The following MIX23 variants were observed in gnomAD, a reference collection of about 807,000 sequenced individuals.
MIX23 encodes the protein mitochondrial matrix import factor 23, also known as protein MIX23.
Under a neutral mutation model 21.6 loss-of-function variants are expected in MIX23, and 13 were observed. The ratio of observed to expected loss-of-function variants is 0.60; its 90% CI spans 0.39 to 0.96. MIX23 has a LOEUF of 0.96. MIX23 is among the 40% of genes least tolerant of loss of function. The probability of loss-of-function intolerance (pLI) is 0.00; values close to 1 mark genes in which losing one functional copy is unlikely to be tolerated. For synonymous variants in MIX23, 59 were observed against 58.0 expected, an observed-to-expected ratio of 1.02 and a Z score of -0.08; for missense variants, 144 against 171.2, an observed-to-expected ratio of 0.84 and a Z score of 0.89.
chr3:122,377,449 G>A (rs899440160), intron 1 of MIX23, among the ~76,000 whole-genome samples: 2 of 152,120 alleles, frequency 1.3e-5, no homozygotes, highest in Non-Finnish European at 2.9e-5. Flanking sequence ...CAATGATTAA[G>A]GAATTCTTAC....
At position 122,359,784 on chromosome 3, in the gene MIX23, C is replaced by CTGT; in HGVS notation, c.*82_*84dup. ...CAGAAATCATCCTAGAAAGCCCGCCCTGTTGATATCTGTCATGCTTAGCTC... is the reference window on the plus strand; with the variant it reads ...CAGAAATCATCCTAGAAAGCCCGCCCTGTTGTTGATATCTGTCATGCTTAGCTC... On this transcript the variant is annotated 3_prime_UTR_variant, in exon 5 of 5. Coordinates refer to ENST00000291458, the MANE Select transcript of MIX23 (RefSeq NM_001017928.4). 1 of 1,311,620 alleles carries CTGT rather than the reference C, an allele frequency of 7.6e-7. No homozygotes were observed. The highest frequency in any genetic ancestry group is 3.0e-5 in the East Asian group (1 of 33,320). The allele number at this position is 1,311,620 out of a possible 1,614,324, so 81.2% of individuals were successfully genotyped here. A position where few individuals can be genotyped will look rare whatever the true frequency, so the allele number is the denominator to read the frequency against.
intron 4 of MIX23, among the ~76,000 whole-genome samples, chr3:122,362,612 G>T (rs1052137063): frequency 6.6e-6 from 1 of 151,874 alleles, no homozygotes; most frequent in African/African-American, 2.4e-5. Context: ...CTCCCGAGTA[G>T]CTGGGATTAC....
At chr3:122,368,105 T>A in intron 3 of MIX23, 71 bp downstream of exon 3, 1 of 1,461,016 alleles carries the variant, frequency 6.8e-7, no homozygotes, top group Non-Finnish European at 9.5e-7. Context: ...AATTTTCATA[T>A]TAAAAATCTT....
At chr3:122,379,893 T>C (rs972449038) in intron 1 of MIX23, among the ~76,000 whole-genome samples, 2 of 152,222 alleles carry the variant, frequency 1.3e-5, no homozygotes, top group Non-Finnish European at 2.9e-5. Flanking sequence ...AGGCTGACTC[T>C]GAAATTATGC....
At chr3:122,382,292 C>T (rs1311439607) in intron 1 of MIX23, among the ~76,000 whole-genome samples, 1 of 151,996 alleles carries the variant, frequency 6.6e-6, no homozygotes. Context: ...GAGACACTCT[C>T]GCTACAAAAT....
intron 1 of MIX23, among the ~76,000 whole-genome samples, chr3:122,381,438 G>A (rs908079870): frequency 6.6e-6 from 1 of 152,184 alleles, no homozygotes; most frequent in African/African-American, 2.4e-5. Context: ...AGAAGAGGAA[G>A]AGATAGGCTG....
intron 1 of MIX23, among the ~76,000 whole-genome samples, chr3:122,382,233 G>A (rs1455026372): frequency 6.6e-6 from 1 of 152,198 alleles, no homozygotes; most frequent in Non-Finnish European, 1.5e-5. Flanking sequence ...GGTGACTCAC[G>A]CCTGTAATCC....
intron 2 of MIX23, 25 bp from the exon 3 acceptor site, chr3:122,368,347 A>AG: frequency 6.5e-7 from 1 of 1,548,342 alleles, no homozygotes; most frequent in Non-Finnish European, 8.6e-7. Flanking sequence ...GAATGAAAGG[A>AG]GAAAAAAAAA....
chr3:122,380,436 T>C (rs1192318823), intron 1 of MIX23, among the ~76,000 whole-genome samples: 1 of 152,208 alleles, frequency 6.6e-6, no homozygotes, highest in African/African-American at 2.4e-5. Flanking sequence ...AAAGCAGCCC[T>C]GTAAGCATAA....
At chr3:122,365,559 G>A (rs2075390599) in intron 3 of MIX23, 1 of 152,150 alleles carries the variant, frequency 6.6e-6, no homozygotes, top group Non-Finnish European at 1.5e-5. Flanking sequence ...AAGCTAGAAA[G>A]CAAACCTCAT....
chr3:122,364,707 A>C (rs1336058015), intron 3 of MIX23, among the ~76,000 whole-genome samples: 1 of 152,178 alleles, frequency 6.6e-6, no homozygotes, highest in African/African-American at 2.4e-5. Flanking sequence ...CAAAAGCTAG[A>C]AACCACTGGT....
At chr3:122,361,848 T>G (rs1425779854) in intron 4 of MIX23, among the ~76,000 whole-genome samples, 2 of 152,300 alleles carry the variant, frequency 1.3e-5, no homozygotes, top group Non-Finnish European at 2.9e-5. Context: ...AGAAAGCCAA[T>G]TTGTATTTTG....
At chr3:122,379,914 C>T (rs2107689065) in intron 1 of MIX23, among the ~76,000 whole-genome samples, 1 of 152,274 alleles carries the variant, frequency 6.6e-6, no homozygotes, top group East Asian at 1.9e-4. Context: ...AGGCGTTTTT[C>T]TTGGAATGCA....
intron 1 of MIX23, among the ~76,000 whole-genome samples, chr3:122,373,610 A>G (rs1253801516): frequency 6.6e-6 from 1 of 152,180 alleles, no homozygotes; most frequent in East Asian, 1.9e-4. Flanking sequence ...TAAGTATTCT[A>G]TCCTGTTCAA....
intron 3 of MIX23, chr3:122,367,968 T>C: frequency 3.6e-6 from 2 of 560,230 alleles, no homozygotes; most frequent in Non-Finnish European, 6.3e-6. Flanking sequence ...GCTGCTATGC[T>C]GCATTTGTTC....
chr3:122,382,846 G>A (rs527817979), intron 1 of MIX23, among the ~76,000 whole-genome samples: 111 of 152,342 alleles, frequency 7.3e-4, no homozygotes, highest in Non-Finnish European at 1.1e-3. Context: ...AATGGCAGAA[G>A]CTGGAAACTG....
Position 122,368,273 on chromosome 3 carries a change from G to A in MIX23, c.227C>T (p.Ala76Val). The stretch of plus-strand genomic sequence containing the variant: ...GTTTTTTACTACTGCTGAAGTCTGG[G>A]CTATACAGTTTTTTATGACTCTGTC... The part of the protein sequence containing the change: ...SRDRVIKNCI[A>V]QTSAVVKNLR... The change falls in exon 3 of 5, where the codon GCC becomes GTC. Residue 76 changes from alanine to valine, a missense_variant. Coordinates refer to ENST00000291458, the MANE Select transcript of MIX23 (RefSeq NM_001017928.4). 6.2e-7 allele frequency: 1 copy of A among 1,608,724 alleles called. No individual in the cohort carries two copies. Among genetic ancestry groups the A allele is most frequent in the Non-Finnish European group, 8.5e-7 (1 of 1,179,328 alleles).
At chr3:122,373,053 T>C in intron 1 of MIX23, 1 of 387,390 alleles carries the variant, frequency 2.6e-6, no homozygotes, top group Non-Finnish European at 5.0e-6. Context: ...AAATAAAAAT[T>C]ATTATTATTA....
At chr3:122,364,157 T>A (rs2075379589) in intron 3 of MIX23, among the ~76,000 whole-genome samples, 1 of 152,208 alleles carries the variant, frequency 6.6e-6, no homozygotes, top group African/African-American at 2.4e-5. Context: ...GCAACAACGA[T>A]AAGAATGGAA....
Sources: gnomAD v4.1 joint callset for allele counts (sites outside exome capture counted in the v4.1 genomes callset) on GRCh38, gnomAD v4.1.1 for gene constraint, MANE v1.5 for transcripts, NCBI Gene and HGNC (gene_info 2026-07-23, HGNC 2026-07-21) for gene names.